The following BBS1 variants were observed in gnomAD, a reference collection of about 807,000 sequenced individuals.
BBS1 encodes the protein Bardet-Biedl syndrome 1.
In BBS1, 60 loss-of-function variants were observed where a neutral mutation model predicts 73.9. The ratio of observed to expected loss-of-function variants is 0.81; its 90% CI spans 0.66 to 1.01. The LOEUF (loss-of-function observed/expected upper bound fraction) is 1.01. BBS1 is among the 50% of genes least tolerant of loss of function. The probability of loss-of-function intolerance (pLI) is 0.00; values close to 1 mark genes in which losing one functional copy is unlikely to be tolerated. For synonymous variants in BBS1, 283 were observed against 317.4 expected, an observed-to-expected ratio of 0.89 and a Z score of 1.15; for missense variants, 718 against 770.3, an observed-to-expected ratio of 0.93 and a Z score of 0.80.
intron 8 of BBS1, chr11:66,519,954 C>T: frequency 1.9e-6 from 1 of 522,484 alleles, no homozygotes. Context: ...TAGACATTTT[C>T]ATATTTAGAC....
intron 14 of BBS1, among the ~76,000 whole-genome samples, 189 bp from the exon 15 acceptor site, chr11:66,530,705 C>A (rs555927713): frequency 2.0e-5 from 3 of 152,294 alleles, no homozygotes; most frequent in African/African-American, 7.2e-5. Flanking sequence ...GCCTGGCCTC[C>A]CTCAGGCTCT....
At chr11:66,518,061 G>A (rs951776426) in intron 7 of BBS1, among the ~76,000 whole-genome samples, 40 of 147,208 alleles carry the variant, frequency 2.7e-4, no homozygotes, top group Non-Finnish European at 4.9e-4. Flanking sequence ...GGGTTCAAGC[G>A]ATTCTCCTGC....
intron 13 of BBS1, chr11:66,527,042 A>G (rs1856544103): frequency 6.5e-7 from 1 of 1,534,236 alleles, no homozygotes; most frequent in Non-Finnish European, 8.7e-7. Context: ...GAATTCAGGG[A>G]AGGGAGCAGT....
intron 11 of BBS1, 72 bp from the exon 12 acceptor site, chr11:66,526,051 C>T (rs1856474150): frequency 3.6e-6 from 5 of 1,400,800 alleles, no homozygotes; most frequent in Non-Finnish European, 5.1e-6. Flanking sequence ...TCTGGGGCCT[C>T]CCCTACCCAT....
intron 11 of BBS1, among the ~76,000 whole-genome samples, chr11:66,524,712 A>G (rs892727514): frequency 6.6e-6 from 1 of 152,224 alleles, no homozygotes; most frequent in Non-Finnish European, 1.5e-5. Flanking sequence ...GAATCATTAA[A>G]TCAGTTTAGT....
At chr11:66,521,473 T>A (rs1311714846) in intron 9 of BBS1, 97 bp downstream of exon 9, 5 of 964,650 alleles carry the variant, frequency 5.2e-6, no homozygotes, top group African/African-American at 4.8e-5. Flanking sequence ...AAGGCTGGAA[T>A]TTGGAAATGC....
intron 13 of BBS1, chr11:66,529,503 TGGA>T: frequency 1.4e-6 from 1 of 725,704 alleles, no homozygotes; most frequent in South Asian, 1.5e-5. Flanking sequence ...GGGAAGAAGA[TGGA>T]GGATGAGAAG....
intron 9 of BBS1, among the ~76,000 whole-genome samples, chr11:66,522,549 T>C (rs1259147969): frequency 4.6e-5 from 7 of 152,146 alleles, no homozygotes; most frequent in African/African-American, 1.7e-4. Flanking sequence ...GGTTTCACCA[T>C]ATTGGCCAGG....
At chr11:66,510,861 C>A in intron 1 of BBS1, 152 bp from the exon 2 acceptor site, 8 of 1,363,106 alleles carry the variant, frequency 5.9e-6, no homozygotes, top group Non-Finnish European at 8.4e-6. Flanking sequence ...ATATGTGTGT[C>A]TGGAGGTCGC....
intron 8 of BBS1, 110 bp from the exon 9 acceptor site, chr11:66,521,160 G>T: frequency 1.2e-6 from 1 of 826,200 alleles, no homozygotes. Context: ...CTGGGTGTAA[G>T]TGAGGAGATT....
In BBS1 at chr11:66,515,868, C is replaced by G. The variant is rs777765120; in HGVS notation, c.526C>G (p.Gln176Glu). ...AGTTCTCTGTGTGTCTAGGTTTCTG[C>G]AGCTGGAGCTAAGTGAAATGGAGGC... is the stretch of plus-strand genomic sequence containing the variant. ...PLSIQSLRFL[Q>E]LELSEMEAFV... The change falls in exon 7 of 17, where the codon CAG becomes GAG. Residue 176 changes from glutamine to glutamate, a missense_variant. Transcript: ENST00000318312. 1 of 1,614,232 alleles carries G rather than the reference C, an allele frequency of 6.2e-7. No individual in the cohort carries two copies. The highest frequency in any genetic ancestry group is 8.5e-7 in the Non-Finnish European group (1 of 1,180,044).
chr11:66,519,148 G>T (rs1209846341), intron 7 of BBS1, among the ~76,000 whole-genome samples: 1 of 152,202 alleles, frequency 6.6e-6, no homozygotes, highest in East Asian at 1.9e-4. Context: ...ACTTTAGGGG[G>T]CTGAGGCGGG....
At chr11:66,516,279 A>C (rs1330494111) in intron 7 of BBS1, among the ~76,000 whole-genome samples, 1 of 151,554 alleles carries the variant, frequency 6.6e-6, no homozygotes, top group Non-Finnish European at 1.5e-5. Context: ...GCATGCACCA[A>C]CACACCCAGC....
At chr11:66,516,240 C>T (rs1221346966) in intron 7 of BBS1, among the ~76,000 whole-genome samples, 3 of 151,226 alleles carry the variant, frequency 2.0e-5, no homozygotes, top group Non-Finnish European at 4.4e-5. Context: ...ATTCTCCTGC[C>T]TCAGCCTCCC....
intron 13 of BBS1, 41 bp downstream of exon 13, chr11:66,526,848 C>T (rs768636072): frequency 6.2e-7 from 1 of 1,614,064 alleles, no homozygotes; most frequent in African/African-American, 1.3e-5. Context: ...TCCTCCTCCA[C>T]TGCTCCTACA....
intron 7 of BBS1, among the ~76,000 whole-genome samples, chr11:66,517,962 CTTT>C (rs543068799): frequency 7.3e-6 from 1 of 136,158 alleles, no homozygotes. Flanking sequence ...TTTTTCTTTT[CTTT>C]TTTTTTTTTG....
At position 66,510,719 on chromosome 11, in the gene BBS1, C is replaced by T; in HGVS notation, c.47+13C>T. On this transcript the variant is annotated intron_variant, in intron 1 of 16. Transcript: ENST00000318312. ...GCGGAGCTGAGAGGTGAAGGCAGGGCTCCTCAAGGCCTCTTTTCCCACCCG... is the reference window on the plus strand; with the variant it reads ...GCGGAGCTGAGAGGTGAAGGCAGGGTTCCTCAAGGCCTCTTTTCCCACCCG... The T allele has an allele frequency of 3.1e-6, 5 of 1,614,040 alleles. No individual in the cohort carries two copies. Among genetic ancestry groups the T allele is most frequent in the Non-Finnish European group, 4.2e-6 (5 of 1,179,952 alleles).
At chr11:66,529,428 G>T in intron 13 of BBS1, 1 of 932,166 alleles carries the variant, frequency 1.1e-6, no homozygotes, top group Non-Finnish European at 1.7e-6. Context: ...GCACAATATC[G>T]AGCGTGGACA....
chr11:66,526,641 T>C lies in BBS1; in HGVS notation c.1181-8T>C. 1 of 1,614,216 alleles carries C rather than the reference T, an allele frequency of 6.2e-7. No homozygotes were observed. Among genetic ancestry groups the C allele is most frequent in the African/African-American group, 1.3e-5 (1 of 75,062 alleles). Reference sequence around the variant, plus strand: ...GGACAAATCCATTTCCACTGTCCACTTCCCTAGGTGGTGGCCTGATCATCA... The same window carrying C: ...GGACAAATCCATTTCCACTGTCCACCTCCCTAGGTGGTGGCCTGATCATCA... On this transcript the variant is annotated splice_polypyrimidine_tract_variant and splice_region_variant and intron_variant, in intron 12 of 16. Transcript: ENST00000318312.
Sources: allele counts gnomAD v4.1 joint callset (sites outside exome capture counted in the v4.1 genomes callset), GRCh38; gene constraint gnomAD v4.1.1; transcripts MANE v1.5; gene names NCBI Gene and HGNC (gene_info 2026-07-23, HGNC 2026-07-21).